The following ATP9A variants were observed in gnomAD, a reference collection of about 807,000 sequenced individuals.
ATP9A encodes probable phospholipid-transporting ATPase IIA.
Under a neutral mutation model 144.1 loss-of-function variants are expected in ATP9A, and 52 were observed. The observed-to-expected ratio is 0.36, with a 90% CI of 0.29 to 0.45. The LOEUF (loss-of-function observed/expected upper bound fraction) is 0.45. Among genes scored for constraint, ATP9A ranks in the 20% least tolerant of loss-of-function variants. The pLI is 1.00. For synonymous variants in ATP9A, 582 were observed against 557.4 expected (o/e 1.04, Z -0.62); for missense variants, 947 against 1,392.7 (o/e 0.68, Z 5.09).
At chr20:51,745,495 G>A (rs538101802) in intron 1 of ATP9A, among the ~76,000 whole-genome samples, 8 of 152,068 alleles carry the variant, frequency 5.3e-5, no homozygotes, top group Non-Finnish European at 8.8e-5. Flanking sequence ...TCAATAGCAG[G>A]GCGGGGGGAT....
At chr20:51,729,603 C>T (rs1365027855) in intron 2 of ATP9A, among the ~76,000 whole-genome samples, 10 of 151,994 alleles carry the variant, frequency 6.6e-5, no homozygotes, top group Middle Eastern at 3.2e-3. Context: ...AAATTAGCCA[C>T]GCGTGGTGGC....
At chr20:51,644,710 A>G (rs1158638553) in intron 14 of ATP9A, among the ~76,000 whole-genome samples, 1 of 152,210 alleles carries the variant, frequency 6.6e-6, no homozygotes, top group East Asian at 1.9e-4. Flanking sequence ...AACCCTGACT[A>G]AATTTATATC....
intron 22 of ATP9A, among the ~76,000 whole-genome samples, chr20:51,616,977 T>C (rs1257059891): frequency 6.6e-6 from 1 of 150,848 alleles, no homozygotes; most frequent in African/African-American, 2.4e-5. Flanking sequence ...AGTCTTGTTC[T>C]GTTGCCCAGG....
chr20:51,619,558 G>A (rs1384111951), intron 19 of ATP9A, among the ~76,000 whole-genome samples: 3 of 74,448 alleles, frequency 4.0e-5, no homozygotes, highest in South Asian at 7.2e-4. Flanking sequence ...AGCAAGACTC[G>A]TCTTTTAAAA....
chr20:51,767,665 G>A (rs1236046017), intron 1 of ATP9A, among the ~76,000 whole-genome samples: 3 of 152,200 alleles, frequency 2.0e-5, no homozygotes, highest in Non-Finnish European at 2.9e-5. Context: ...ATTGTGGGGG[G>A]AGAACACAAG....
At chr20:51,672,565 G>C (rs1020329906) in intron 11 of ATP9A, among the ~76,000 whole-genome samples, 1 of 152,098 alleles carries the variant, frequency 6.6e-6, no homozygotes, top group African/African-American at 2.4e-5. Flanking sequence ...CAGTCCCCCT[G>C]TCCCTGTCAC....
chr20:51,670,003 G>T lies in ATP9A; in HGVS notation c.1287C>A (p.Tyr429Ter). ...TTGAAATGGAAGGCTTTACCTGGGT[G>T]TAAATGCTGAAAATGTGGCTTTGTA... ...DEVQSHIFSIYTQQSQDPPAQ... is the reference protein window; with the variant it reads ...DEVQSHIFSI Residue 429 changes from tyrosine (Y) to a stop codon, truncating the protein, a stop_gained, in exon 13 of 28, where the codon TAC becomes TAA. Coordinates refer to ENST00000338821, the MANE Select transcript of ATP9A (RefSeq NM_006045.3). LOFTEE classifies it high-confidence loss of function. 6.2e-7 allele frequency: 1 copy of T among 1,612,664 alleles called. No individual in the cohort carries two copies. The highest frequency in any genetic ancestry group is 8.5e-7 in the Non-Finnish European group (1 of 1,178,690).
intron 12 of ATP9A, among the ~76,000 whole-genome samples, chr20:51,670,678 T>C (rs910428336): frequency 1.3e-5 from 2 of 152,152 alleles, no homozygotes; most frequent in African/African-American, 2.4e-5. Context: ...TCCCAATCCT[T>C]GCTCTTCACC....
intron 19 of ATP9A, among the ~76,000 whole-genome samples, chr20:51,619,553 G>C (rs1447489177): frequency 1.0e-5 from 1 of 96,538 alleles, no homozygotes; most frequent in South Asian, 4.8e-4. Flanking sequence ...AACAGAGCAA[G>C]ACTCGTCTTT....
intron 14 of ATP9A, among the ~76,000 whole-genome samples, chr20:51,642,648 C>T (rs577264212): frequency 7.5e-6 from 1 of 133,318 alleles, no homozygotes; most frequent in South Asian, 2.4e-4. Flanking sequence ...ATTGATTCAG[C>T]CTGGGAGGCA....
In ATP9A at chr20:51,656,995, C is replaced by T. The variant is rs769313421; in HGVS notation, c.1449G>A (p.Glu483=). The T allele has an allele frequency of 1.2e-6, 2 of 1,614,220 alleles. No individual in the cohort carries two copies. Among genetic ancestry groups the T allele is most frequent in the South Asian group, 2.2e-5 (2 of 91,084 alleles). Residue 483 remains glutamate, a synonymous_variant, in exon 14 of 28, where the codon GAG becomes GAA. Transcript: ENST00000338821. The stretch of plus-strand genomic sequence containing the variant: ...AGGAGTCTTCGTACTGCTTCTCGGC[C>T]TCAGCCTGATCAGTCACACCGTTGG... ...YESNGVTDQA[E]AEKQYEDSCR... is the part of the protein sequence containing the mutation.
chr20:51,690,625 C>T, intron 8 of ATP9A, 114 bp downstream of exon 8: 1 of 878,330 alleles, frequency 1.1e-6, no homozygotes, highest in Non-Finnish European at 1.9e-6. Context: ...TTCTTTATGT[C>T]CCCACCTGGC....
At chr20:51,633,825 AAGAGGG>A (rs2077279696) in intron 15 of ATP9A, among the ~76,000 whole-genome samples, 2 of 149,676 alleles carry the variant, frequency 1.3e-5, no homozygotes, top group African/African-American at 2.5e-5. Context: ...GAAGAAGGGA[AAGAGGG>A]AGAGGGAGAG....
chr20:51,754,788 C>T (rs1020671408), intron 1 of ATP9A, among the ~76,000 whole-genome samples: 3 of 151,990 alleles, frequency 2.0e-5, no homozygotes, highest in African/African-American at 7.3e-5. Context: ...TGCATTCCAT[C>T]CTGGGCAACA....
chr20:51,637,513 T>A (rs2077297406), intron 15 of ATP9A, among the ~76,000 whole-genome samples: 1 of 151,708 alleles, frequency 6.6e-6, no homozygotes, highest in South Asian at 2.1e-4. Flanking sequence ...AGAATTTCAG[T>A]GTGATGAATG....
At chr20:51,618,322 G>T (rs1233204717) in intron 21 of ATP9A, among the ~76,000 whole-genome samples, 1 of 152,046 alleles carries the variant, frequency 6.6e-6, no homozygotes, top group African/African-American at 2.4e-5. Context: ...GCTCAGATGG[G>T]TGAAAGAAGC....
chr20:51,629,853 C>A (rs2077263541), intron 15 of ATP9A, among the ~76,000 whole-genome samples: 1 of 152,208 alleles, frequency 6.6e-6, no homozygotes, highest in South Asian at 2.1e-4. Flanking sequence ...GTTTTCTCAT[C>A]TGTAAAACAG....
chr20:51,664,886 A>ATTTTTT (rs559731508), intron 13 of ATP9A, among the ~76,000 whole-genome samples: 2 of 135,902 alleles, frequency 1.5e-5, no homozygotes, highest in Non-Finnish European at 3.1e-5. Context: ...CCCCCGGCTA[A>ATTTTTT]TTTTTTTTTT....
At chr20:51,675,535 A>C (rs778977492) in intron 10 of ATP9A, among the ~76,000 whole-genome samples, 1 of 152,228 alleles carries the variant, frequency 6.6e-6, no homozygotes, top group Non-Finnish European at 1.5e-5. Context: ...ATGCACGTGA[A>C]GGGTGAAACA....
Sources: allele counts gnomAD v4.1 joint callset (sites outside exome capture counted in the v4.1 genomes callset), GRCh38; gene constraint gnomAD v4.1.1; transcripts MANE v1.5; gene names NCBI Gene and HGNC (gene_info 2026-07-23, HGNC 2026-07-21).